Variants in DDC observed in about 807,000 individuals in gnomAD.
DDC encodes dopa decarboxylase.
A neutral mutation model predicts 60.0 loss-of-function variants in DDC; 43 were observed. That is an observed-to-expected ratio of 0.72 (90% CI 0.56 to 0.92). The LOEUF (loss-of-function observed/expected upper bound fraction) is 0.92, where lower values mean the gene tolerates loss of function less well. Ranked by LOEUF, DDC falls within the 40% of genes least tolerant of loss-of-function variation. The pLI, the probability that DDC is intolerant of heterozygous loss-of-function variation, is 0.00. For synonymous variants in DDC, 232 were observed against 234.6 expected, an observed-to-expected ratio of 0.99 and a Z score of 0.10; for missense variants, 573 against 620.2, an observed-to-expected ratio of 0.92 and a Z score of 0.81.
At chr7:50,520,679 C>T (rs553836797) in intron 6 of DDC, among the ~76,000 whole-genome samples, 10 of 152,134 alleles carry the variant, frequency 6.6e-5, no homozygotes, top group South Asian at 6.2e-4. Flanking sequence ...TTTGGGAGGC[C>T]GAGGCAGGCG....
intron 5 of DDC, among the ~76,000 whole-genome samples, chr7:50,528,505 T>C (rs944602873): frequency 1.3e-5 from 2 of 152,134 alleles, no homozygotes; most frequent in African/African-American, 4.8e-5. Flanking sequence ...AAGTTTAAAG[T>C]ATCAGGCACT....
chr7:50,462,768 G>GTTT (rs11302809), intron 14 of DDC, among the ~76,000 whole-genome samples: 39 of 98,320 alleles, frequency 4.0e-4, no homozygotes, highest in African/African-American at 8.6e-4. Flanking sequence ...TCTTCTTCTT[G>GTTT]TTTTTTTTTT....
chr7:50,461,710 C>G (rs935678915), intron 14 of DDC, among the ~76,000 whole-genome samples: 2 of 152,238 alleles, frequency 1.3e-5, no homozygotes, highest in African/African-American at 4.8e-5. Context: ...GCGGTACTTT[C>G]CCTCCCCTCA....
intron 14 of DDC, among the ~76,000 whole-genome samples, chr7:50,462,659 A>G (rs1311397295): frequency 1.3e-5 from 2 of 152,206 alleles, no homozygotes; most frequent in Non-Finnish European, 2.9e-5. Flanking sequence ...CTGAAGTATT[A>G]TAGAGATTGA....
At chr7:50,527,928 G>A (rs996217083) in intron 6 of DDC, 9 of 523,498 alleles carry the variant, frequency 1.7e-5, no homozygotes, top group African/African-American at 1.5e-4. Context: ...ACAGAGTCTT[G>A]CTCTGTCACA....
At chr7:50,540,173 A>G (rs1466510858) in intron 2 of DDC, 145 bp from the exon 3 acceptor site, 7 of 691,140 alleles carry the variant, frequency 1.0e-5, no homozygotes, top group Non-Finnish European at 1.9e-5. Flanking sequence ...AATGTCAGCC[A>G]TCCCATTACC....
chr7:50,537,870 C>G lies in DDC; in HGVS notation c.425G>C (p.Gly142Ala). ...FLNEKAGEGGGVIQGSASEAT... is the reference protein window; with the variant it reads ...FLNEKAGEGGAVIQGSASEAT... The stretch of plus-strand genomic sequence containing the variant: ...CAGCTCCCACCTTACCTGGATCACT[C>G]CTCCCCCTTCTCCAGCTTTCTCATT... The change falls in exon 4 of 15, where the codon GGA becomes GCA. Residue 142 changes from glycine (G) to alanine (A), a missense_variant. Transcript: ENST00000444124. 6.2e-7 allele frequency: 1 copy of G among 1,614,206 alleles called. No individual in the cohort carries two copies. Among genetic ancestry groups the G allele is most frequent in the East Asian group, 2.2e-5 (1 of 44,888 alleles).
chr7:50,488,088 A>C (rs1216393182), intron 9 of DDC, among the ~76,000 whole-genome samples: 1 of 152,140 alleles, frequency 6.6e-6, no homozygotes, highest in Non-Finnish European at 1.5e-5. Context: ...GCAGGCTATA[A>C]AATTGGTTAG....
chr7:50,459,515 C>T lies in DDC; in HGVS notation c.*19-672G>A, dbSNP rs550050030. 3.1e-3 allele frequency: 546 copies of T among 174,818 alleles called. 4 individuals carry two copies. The highest frequency in any genetic ancestry group is 0.012 in the African/African-American group (493 of 41,096). 10.8% of individuals were successfully genotyped at this position (174,818 alleles called of 1,614,324 possible). Reference sequence around the variant, plus strand: ...GCCATCCTATCTAGGAAGTGAGGAGCGCCTCTTCCCGGCCGCCATCCCATC... The same window carrying T: ...GCCATCCTATCTAGGAAGTGAGGAGTGCCTCTTCCCGGCCGCCATCCCATC... On this transcript the variant is annotated intron_variant, in intron 14 of 14. Coordinates refer to ENST00000444124, the MANE Select transcript of DDC (RefSeq NM_001082971.2).
At chr7:50,485,737 T>C (rs1006959861) in intron 9 of DDC, among the ~76,000 whole-genome samples, 2 of 152,150 alleles carry the variant, frequency 1.3e-5, no homozygotes, top group African/African-American at 4.8e-5. Flanking sequence ...ACTGTCAAAA[T>C]ATTTATTTTT....
chr7:50,531,366 T>C (rs2044201954), intron 4 of DDC, among the ~76,000 whole-genome samples: 1 of 152,104 alleles, frequency 6.6e-6, no homozygotes. Context: ...GTCCCACCCA[T>C]TCTCATTGGA....
intron 14 of DDC, among the ~76,000 whole-genome samples, chr7:50,462,272 C>T (rs2042295591): frequency 1.5e-5 from 2 of 135,106 alleles, no homozygotes; most frequent in South Asian, 2.5e-4. Context: ...AAAAGGTAGA[C>T]ATACCCCAAC....
intron 4 of DDC, among the ~76,000 whole-genome samples, chr7:50,536,832 C>T (rs1159942902): frequency 6.6e-6 from 1 of 152,228 alleles, no homozygotes; most frequent in African/African-American, 2.4e-5. Flanking sequence ...AAGGTGTTCT[C>T]CAGTGTGTGC....
chr7:50,540,497 A>G (rs1010442496), intron 2 of DDC, among the ~76,000 whole-genome samples: 3 of 55,448 alleles, frequency 5.4e-5, no homozygotes, highest in African/African-American at 1.6e-4. Flanking sequence ...CAAACAAACA[A>G]AAAAAAAAAC....
chr7:50,467,698 G>A (rs925660571), intron 12 of DDC, among the ~76,000 whole-genome samples: 2 of 152,158 alleles, frequency 1.3e-5, no homozygotes, highest in Admixed American at 6.5e-5. Context: ...TCACCACTGC[G>A]GCATCCTCAG....
chr7:50,544,899 T>G (rs992765021), intron 1 of DDC, among the ~76,000 whole-genome samples: 2 of 152,212 alleles, frequency 1.3e-5, no homozygotes, highest in African/African-American at 4.8e-5. Context: ...AAGAGACACT[T>G]TATTTAATAT....
chr7:50,459,937 T>G (rs1585123364), intron 14 of DDC, among the ~76,000 whole-genome samples: 3 of 117,122 alleles, frequency 2.6e-5, no homozygotes, highest in South Asian at 2.9e-4. Flanking sequence ...GGTGGGGGGG[T>G]CAGCCCCCTG....
intron 14 of DDC, among the ~76,000 whole-genome samples, chr7:50,459,217 C>T (rs571426088): frequency 5.3e-5 from 8 of 152,366 alleles, no homozygotes; most frequent in Non-Finnish European, 8.8e-5. Context: ...CCTCGGCCTC[C>T]CGAGGTGCCG....
intron 4 of DDC, among the ~76,000 whole-genome samples, chr7:50,533,031 T>C (rs1243444940): frequency 2.6e-5 from 4 of 152,198 alleles, no homozygotes; most frequent in Non-Finnish European, 5.9e-5. Flanking sequence ...TTAGGTATTA[T>C]TTATATATTT....
Sources: allele counts gnomAD v4.1 joint callset (sites outside exome capture counted in the v4.1 genomes callset), GRCh38; gene constraint gnomAD v4.1.1; transcripts MANE v1.5; gene names NCBI Gene and HGNC (gene_info 2026-07-23, HGNC 2026-07-21).